Variants in TENM3 observed in about 807,000 individuals in gnomAD.
TENM3 encodes the protein teneurin-3.
In TENM3, 63 loss-of-function variants were observed where a neutral mutation model predicts 255.1. The ratio of observed to expected loss-of-function variants is 0.25; its 90% CI spans 0.20 to 0.30. The LOEUF is 0.30. TENM3 is among the 10% of genes least tolerant of loss of function. The probability of loss-of-function intolerance (pLI) is 1.00; values close to 1 mark genes in which losing one functional copy is unlikely to be tolerated. For synonymous variants in TENM3, 1,306 were observed against 1,322.3 expected, an observed-to-expected ratio of 0.99 and a Z score of 0.27; for missense variants, 2,929 against 3,461.1, an observed-to-expected ratio of 0.85 and a Z score of 3.86.
chr4:181,579,056 G>A, the TENM3 span, among the ~76,000 whole-genome samples: 3 of 152,102 alleles, frequency 2.0e-5, no homozygotes, highest in African/African-American at 7.2e-5. Context: ...ATCCCTGCCT[G>A]GGCTTCCTGA....
chr4:181,907,835 A>G, the TENM3 span, among the ~76,000 whole-genome samples: 1 of 152,178 alleles, frequency 6.6e-6, no homozygotes, highest in Non-Finnish European at 1.5e-5. Context: ...CCGCGTTTCA[A>G]GATTCAGACG....
chr4:181,814,576 AT>A, the TENM3 span, among the ~76,000 whole-genome samples: 1 of 140,012 alleles, frequency 7.1e-6, no homozygotes, highest in African/African-American at 2.8e-5. Context: ...CAACACATAT[AT>A]TTTTAAATGC....
intron 1 of TENM3, among the ~76,000 whole-genome samples, chr4:182,160,087 C>G (rs1038196714): frequency 6.7e-6 from 1 of 149,790 alleles, no homozygotes; most frequent in South Asian, 2.1e-4. Context: ...ACTGCAAGCT[C>G]CGCTTCCCGG....
chr4:181,818,679 A>C, the TENM3 span, among the ~76,000 whole-genome samples: 1 of 149,996 alleles, frequency 6.7e-6, no homozygotes, highest in African/African-American at 2.5e-5. Flanking sequence ...GTGTGATCTC[A>C]ACTCACTGCA....
At chr4:181,574,696 T>C in the TENM3 span, among the ~76,000 whole-genome samples, 3 of 152,332 alleles carry the variant, frequency 2.0e-5, no homozygotes, top group East Asian at 5.8e-4. Context: ...CTTCCTTTTG[T>C]TAAAGGTAGA....
At chr4:181,804,984 C>T in the TENM3 span, among the ~76,000 whole-genome samples, 1 of 152,168 alleles carries the variant, frequency 6.6e-6, no homozygotes, top group South Asian at 2.1e-4. Context: ...TCCCCTGATT[C>T]TCCTCCATCC....
intron 19 of TENM3, among the ~76,000 whole-genome samples, chr4:182,748,048 G>A (rs1762130952): frequency 6.6e-6 from 1 of 152,140 alleles, no homozygotes; most frequent in Non-Finnish European, 1.5e-5. Flanking sequence ...GTCTAAGAAG[G>A]TTGAATTATG....
chr4:181,617,101 A>G, the TENM3 span, among the ~76,000 whole-genome samples: 4 of 152,180 alleles, frequency 2.6e-5, no homozygotes, highest in African/African-American at 4.8e-5. Flanking sequence ...TAATGCACCA[A>G]TCTTCACAAA....
the TENM3 span, among the ~76,000 whole-genome samples, chr4:181,633,181 C>T: frequency 6.6e-6 from 1 of 152,170 alleles, no homozygotes; most frequent in Non-Finnish European, 1.5e-5. Context: ...TGTGAATTCC[C>T]TCAGCAACAA....
At chr4:181,812,918 G>A in the TENM3 span, among the ~76,000 whole-genome samples, 1 of 152,166 alleles carries the variant, frequency 6.6e-6, no homozygotes, top group African/African-American at 2.4e-5. Context: ...ATATACCTGA[G>A]TTGGGGGGAA....
intron 1 of TENM3, among the ~76,000 whole-genome samples, chr4:182,290,872 G>A (rs950611095): frequency 6.6e-6 from 1 of 151,544 alleles, no homozygotes; most frequent in African/African-American, 2.4e-5. Flanking sequence ...CCAGGCAGGA[G>A]TGCGGTGGCA....
intron 3 of TENM3, among the ~76,000 whole-genome samples, chr4:182,466,465 G>A (rs544513963): frequency 8.5e-4 from 129 of 152,200 alleles, no homozygotes; most frequent in Non-Finnish European, 1.4e-3. Context: ...AGGTAGCTGG[G>A]ACTGCAGGTG....
At chr4:181,462,962 A>C in the TENM3 span, among the ~76,000 whole-genome samples, 5 of 152,226 alleles carry the variant, frequency 3.3e-5, no homozygotes, top group Admixed American at 3.3e-4. Flanking sequence ...TATCAAATGT[A>C]TCACTCCACA....
At chr4:182,489,286 C>A (rs1735050738) in intron 3 of TENM3, among the ~76,000 whole-genome samples, 1 of 152,084 alleles carries the variant, frequency 6.6e-6, no homozygotes, top group Non-Finnish European at 1.5e-5. Context: ...AATTGAATTT[C>A]TTCTCTAATT....
chr4:182,665,388 G>A (rs1451527853), intron 6 of TENM3, among the ~76,000 whole-genome samples: 2 of 152,154 alleles, frequency 1.3e-5, no homozygotes, highest in African/African-American at 4.8e-5. Context: ...AATGTACCTA[G>A]TCCCCCAAGA....
chr4:182,422,542 C>T (rs956926649), intron 3 of TENM3, among the ~76,000 whole-genome samples: 4 of 152,176 alleles, frequency 2.6e-5, no homozygotes, highest in Admixed American at 1.3e-4. Context: ...ATTAGGGCAT[C>T]ACTGAGCAGG....
chr4:182,495,153 G>C (rs1252613463), intron 3 of TENM3, among the ~76,000 whole-genome samples: 1 of 152,198 alleles, frequency 6.6e-6, no homozygotes, highest in Non-Finnish European at 1.5e-5. Context: ...AATGGAAGAT[G>C]CTCAGATGCG....
chr4:181,505,078 A>G, the TENM3 span, among the ~76,000 whole-genome samples: 1 of 152,188 alleles, frequency 6.6e-6, no homozygotes, highest in Non-Finnish European at 1.5e-5. Context: ...TGTCATGCAC[A>G]TAATCTGATT....
chr4:182,192,266 C>T (rs777976549), intron 1 of TENM3, among the ~76,000 whole-genome samples: 3 of 152,178 alleles, frequency 2.0e-5, no homozygotes, highest in Non-Finnish European at 4.4e-5. Flanking sequence ...AGCGTAGTTA[C>T]TATCTGGCTC....
Sources: allele counts gnomAD v4.1 joint callset (sites outside exome capture counted in the v4.1 genomes callset), GRCh38; gene constraint gnomAD v4.1.1; transcripts MANE v1.5; gene names NCBI Gene and HGNC (gene_info 2026-07-23, HGNC 2026-07-21).